The following VPS13D variants were observed in gnomAD, a reference collection of about 807,000 sequenced individuals.
The protein encoded by VPS13D is vacuolar protein sorting 13 homolog D.
A neutral mutation model predicts 461.9 loss-of-function variants in VPS13D; 187 were observed. The ratio of observed to expected loss-of-function variants is 0.40; its 90% confidence interval spans 0.36 to 0.46. VPS13D has a LOEUF of 0.46. Ranked by LOEUF, VPS13D falls within the 20% of genes least tolerant of loss-of-function variation. The pLI is 0.60. For missense variants in VPS13D, 4,711 were observed against 5,364.9 expected (o/e 0.88, Z 3.81); for synonymous variants, 1,951 against 1,986.3 (o/e 0.98, Z 0.47).
chr1:12,290,872 C>G, intron 22 of VPS13D, 126 bp from the exon 23 acceptor site: 1 of 857,804 alleles, frequency 1.2e-6, no homozygotes, highest in Non-Finnish European at 1.6e-6. Flanking sequence ...TGAAAATTTG[C>G]TTTTGAGGTT....
intron 2 of VPS13D, among the ~76,000 whole-genome samples, chr1:12,235,221 C>T (rs952355569): frequency 2.0e-5 from 3 of 152,150 alleles, no homozygotes; most frequent in Admixed American, 6.6e-5. Flanking sequence ...TTAGAGAGAA[C>T]AGTGACACAG....
At chr1:12,382,550 T>G (rs994919117) in intron 57 of VPS13D, among the ~76,000 whole-genome samples, 2 of 152,216 alleles carry the variant, frequency 1.3e-5, no homozygotes, top group African/African-American at 2.4e-5. Context: ...CTCAAGAATT[T>G]TCCTCTTACT....
At position 12,275,917 on chromosome 1, in the gene VPS13D, A is replaced by G; in HGVS notation, c.2329A>G (p.Asn777Asp). 1 of 1,613,928 alleles carries G rather than the reference A, an allele frequency of 6.2e-7. No individual in the cohort carries two copies. Among genetic ancestry groups the G allele is most frequent in the Non-Finnish European group, 8.5e-7 (1 of 1,179,992 alleles). The change falls in exon 19 of 70, where the codon AAC (asparagine) becomes GAC (aspartate). Residue 777 changes from asparagine (N) to aspartate (D), a missense_variant. By Grantham distance (23) the Asn-to-Asp change is conservative. Around this residue, in one of 3 missense-constraint regions of VPS13D, gnomAD observed 4,411 missense variants for 4,937.8 expected, o/e 0.89. Transcript: ENST00000620676. ...EYKTPLATPPNTPPPESSSSN... is the reference protein window; with the variant it reads ...EYKTPLATPPDTPPPESSSSN... ...TAAGACCCCCCTGGCCACACCTCCT[A>G]ACACCCCACCTCCCGAGTCAAGCAG...
Position 12,277,321 on chromosome 1 carries a change from G to C in VPS13D, c.3733G>C (p.Glu1245Gln). Residue 1245 changes from glutamate (E) to glutamine (Q), a missense_variant, in exon 19 of 70, where the codon GAA becomes CAA. This residue lies in a region of VPS13D where 4,411 missense variants were observed against 4,937.8 expected (regional missense o/e 0.89). Coordinates refer to ENST00000620676, the MANE Select transcript of VPS13D (RefSeq NM_015378.4). ...CAGCATTGGGAATTCTGTAGGCTAT[G>C]AAAATATCATCAGTGATATTGGCTA... is the stretch of plus-strand genomic sequence containing the variant. ...VVSIGNSVGY[E>Q]NIISDIGYFE... 2.5e-6 allele frequency: 4 copies of C among 1,614,208 alleles called. No homozygotes were observed. The highest frequency in any genetic ancestry group is 3.4e-6 in the Non-Finnish European group (4 of 1,180,038).
At position 12,299,678 on chromosome 1, in the gene VPS13D, G is replaced by A. The variant is rs1362638581; in HGVS notation, c.6216+294G>A. On this transcript the variant is annotated intron_variant, in intron 25 of 69. Transcript: ENST00000620676. The surrounding 1 kb of genome is among the most constrained non-coding windows in gnomAD (Gnocchi z 4.2). The stretch of plus-strand genomic sequence containing the variant: ...AAATTATAACTCTTAGTAAATGTAG[G>A]TAGTAACTTGTTTTAGCAAACAAAC... 6.6e-6 allele frequency among the ~76,000 whole-genome samples: 1 copy of A among 152,060 alleles called. No individual in the cohort carries two copies. Among genetic ancestry groups the A allele is most frequent in the Non-Finnish European group, 1.5e-5 (1 of 68,020 alleles).
chr1:12,400,251 A>G lies in VPS13D; in HGVS notation c.11705A>G (p.Glu3902Gly), dbSNP rs376000129. The change falls in exon 61 of 70, where the codon GAG becomes GGG. Residue 3902 changes from glutamate (E) to glycine (G), a missense_variant. By Grantham distance (98) the Glu-to-Gly change is moderately conservative. Around this residue, in one of 3 missense-constraint regions of VPS13D, gnomAD observed 4,411 missense variants for 4,937.8 expected, o/e 0.89. Coordinates refer to ENST00000620676, the MANE Select transcript of VPS13D (RefSeq NM_015378.4). ...LYVTPLSNEN[E>G]VIETGPAVQV... ...GTGACTCCCCTGAGCAATGAGAATG[A>G]GGTCATCGAGACCGGCCCAGCTGTG... 38 of 1,614,058 alleles carry G rather than the reference A, an allele frequency of 2.4e-5. No homozygotes were observed. The highest frequency in any genetic ancestry group is 3.0e-5 in the Non-Finnish European group (35 of 1,180,050).
chr1:12,494,028 C>T (rs188116663), intron 67 of VPS13D, among the ~76,000 whole-genome samples: 2 of 152,230 alleles, frequency 1.3e-5, no homozygotes, highest in Admixed American at 6.5e-5. Context: ...ATTCATAAGA[C>T]TGTAACAGAA....
intron 37 of VPS13D, among the ~76,000 whole-genome samples, chr1:12,332,691 A>G (rs1569932058): frequency 1.3e-5 from 2 of 152,232 alleles, no homozygotes; most frequent in East Asian, 3.9e-4. Flanking sequence ...GTAATTTTCT[A>G]TTTCTTAAGT....
chr1:12,500,716 T>C (rs184436107), intron 68 of VPS13D, among the ~76,000 whole-genome samples: 1 of 151,786 alleles, frequency 6.6e-6, no homozygotes, highest in East Asian at 2.0e-4. Flanking sequence ...AGATAAGTTG[T>C]TCCTCTTTTC....
chr1:12,447,299 A>G (rs1557444376), intron 65 of VPS13D, among the ~76,000 whole-genome samples: 1 of 152,172 alleles, frequency 6.6e-6, no homozygotes, highest in Non-Finnish European at 1.5e-5. Flanking sequence ...AGTATCACAC[A>G]TAGATACTTA....
intron 27 of VPS13D, among the ~76,000 whole-genome samples, chr1:12,311,237 G>A (rs972696622): frequency 6.6e-6 from 1 of 152,082 alleles, no homozygotes; most frequent in African/African-American, 2.4e-5. Context: ...TTTTCTAAAT[G>A]TAAATTTTGG....
At position 12,499,448 on chromosome 1, in the gene VPS13D, A is replaced by G. The variant is rs955535361; in HGVS notation, c.12794+1817A>G. 1.3e-5 allele frequency: 13 copies of G among 985,246 alleles called. No individual in the cohort carries two copies. The Admixed American group carries it at 6.8e-4, about 51-fold the overall frequency. The allele number at this position is 985,246 out of a possible 1,614,324, so 61.0% of individuals were successfully genotyped here. On this transcript the variant is annotated intron_variant, in intron 68 of 69. Coordinates refer to ENST00000620676, the MANE Select transcript of VPS13D (RefSeq NM_015378.4). ...AACTCACCTCTATTCAAGTCGAACT[A>G]TCTCTGGTCACTGTGAAATTTGTTT...
At chr1:12,418,069 A>G (rs778246975) in intron 65 of VPS13D, among the ~76,000 whole-genome samples, 1 of 151,734 alleles carries the variant, frequency 6.6e-6, no homozygotes, top group Non-Finnish European at 1.5e-5. Context: ...ACCACACCCC[A>G]TTGATTTTTT....
chr1:12,387,182 G>A (rs184264016), intron 60 of VPS13D, among the ~76,000 whole-genome samples: 62 of 152,282 alleles, frequency 4.1e-4, no homozygotes, highest in African/African-American at 1.4e-3. Flanking sequence ...TTTATGAGAC[G>A]TTGGGAAGAG....
chr1:12,328,911 C>G (rs1348398660), intron 36 of VPS13D, among the ~76,000 whole-genome samples: 1 of 152,190 alleles, frequency 6.6e-6, no homozygotes, highest in Non-Finnish European at 1.5e-5. Flanking sequence ...TTGTTTCGAT[C>G]TTGCCAGCCT....
chr1:12,506,820 G>A, intron 68 of VPS13D, 33 bp from the exon 69 acceptor site: 1 of 1,604,660 alleles, frequency 6.2e-7, no homozygotes, highest in Non-Finnish European at 8.5e-7. Flanking sequence ...GAAGCCCCAG[G>A]TGTCACTCCT....
chr1:12,263,273 G>A (rs553448915), intron 13 of VPS13D, among the ~76,000 whole-genome samples: 29 of 152,256 alleles, frequency 1.9e-4, no homozygotes, highest in African/African-American at 6.5e-4. Flanking sequence ...AAAACATGGC[G>A]CCAAATAGAA....
rs763267940 is a variant in VPS13D, at chr1:12,318,280, C to G, written c.7357C>G (p.Arg2453Gly). ...KTVKSGVVTK[R>G]SSLPVSNERH... ...TGTGAAGAGTGGAGTAGTTACCAAGCGGTCTTCCCTTCCTGTGTCCAATGA... is the reference window on the plus strand; with the variant it reads ...TGTGAAGAGTGGAGTAGTTACCAAGGGGTCTTCCCTTCCTGTGTCCAATGA... Residue 2453 changes from arginine to glycine, a missense_variant, in exon 31 of 70, where the codon CGG becomes GGG. Physicochemically the swap from Arg to Gly is moderately radical, Grantham distance 125 (BLOSUM62 -2). Around this residue, in one of 3 missense-constraint regions of VPS13D, gnomAD observed 4,411 missense variants for 4,937.8 expected, o/e 0.89. Transcript: ENST00000620676. 1 of 1,613,878 alleles carries G rather than the reference C, an allele frequency of 6.2e-7. No individual in the cohort carries two copies. Among genetic ancestry groups the G allele is most frequent in the Non-Finnish European group, 8.5e-7 (1 of 1,179,786 alleles).
intron 67 of VPS13D, among the ~76,000 whole-genome samples, chr1:12,492,009 A>C (rs1645889371): frequency 1.3e-5 from 2 of 152,214 alleles, no homozygotes. Context: ...GGTTCATAAG[A>C]GATGCTGTCG....
Sources: gnomAD v4.1 joint callset for allele counts (sites outside exome capture counted in the v4.1 genomes callset) on GRCh38, gnomAD v4.1.1 for gene constraint, gnomAD v4.1.1 regional missense constraint, Gnocchi (gnomAD v3.1) non-coding constraint, MANE v1.5 for transcripts, NCBI Gene and HGNC (gene_info 2026-07-23, HGNC 2026-07-21) for gene names.